The following EYS variants were observed in gnomAD, a reference collection of about 807,000 sequenced individuals.
EYS encodes the protein protein eyes shut homolog.
A neutral mutation model predicts 282.1 loss-of-function variants in EYS; 250 were observed. That is an observed-to-expected ratio of 0.89 (90% CI 0.80 to 0.98). The LOEUF is 0.98. Ranked by LOEUF, EYS falls within the 50% of genes least tolerant of loss-of-function variation. The pLI, the probability that EYS is intolerant of heterozygous loss-of-function variation, is 0.00. For missense variants in EYS, 4,016 were observed against 3,709.0 expected (o/e 1.08, Z -2.15); for synonymous variants, 1,355 against 1,282.9 (o/e 1.06, Z -1.20).
At chr6:64,045,442 T>TTTTATTTTATTTTA (rs1770578885) in intron 33 of EYS, among the ~76,000 whole-genome samples, 3 of 124,294 alleles carry the variant, frequency 2.4e-5, no homozygotes, top group African/African-American at 8.5e-5. Flanking sequence ...ATTTTATTTA[T>TTTTATTTTATTTTA]TTTATTTTAT....
intron 22 of EYS, among the ~76,000 whole-genome samples, chr6:64,667,760 G>A (rs1273110836): frequency 6.6e-6 from 1 of 151,974 alleles, no homozygotes; most frequent in African/African-American, 2.4e-5. Flanking sequence ...AAAATACATT[G>A]TGGTCATTTT....
At position 65,686,139 on chromosome 6, in the gene EYS, C is replaced by A. The variant is rs893904079; in HGVS notation, c.-448+20996G>T. 2.0e-5 allele frequency among the ~76,000 whole-genome samples: 3 copies of A among 151,974 alleles called. No individual in the cohort carries two copies. In the East Asian group the frequency reaches 5.8e-4, roughly 29 times the overall value. ...CAGATGCAGGTATAAAACAAACAAA[C>A]AGACTGAAAACCTAATCCTTTCTTT... On this transcript the variant is annotated intron_variant, in intron 1 of 42. Transcript: ENST00000503581.
At chr6:63,758,257 G>A (rs1013388669) in intron 41 of EYS, among the ~76,000 whole-genome samples, 2 of 151,980 alleles carry the variant, frequency 1.3e-5, no homozygotes, top group Admixed American at 1.3e-4. Flanking sequence ...GAAACTTAAT[G>A]TCTACTACAT....
At chr6:64,162,606 C>A (rs1582365754) in intron 31 of EYS, among the ~76,000 whole-genome samples, 1 of 152,096 alleles carries the variant, frequency 6.6e-6, no homozygotes, top group East Asian at 1.9e-4. Flanking sequence ...GGAATTAGAA[C>A]CCAAATCCTT....
chr6:65,166,925 A>G (rs1428729003), intron 12 of EYS, among the ~76,000 whole-genome samples: 2 of 151,258 alleles, frequency 1.3e-5, no homozygotes, highest in African/African-American at 4.8e-5. Flanking sequence ...TAAACAGTCA[A>G]TAAGTTCAAA....
chr6:64,125,785 C>CA (rs920132590), intron 31 of EYS, among the ~76,000 whole-genome samples: 1,832 of 47,188 alleles, frequency 0.039, 31 homozygotes, highest in Non-Finnish European at 0.06. Context: ...GACTCCGTCT[C>CA]AAAAAAAAAA....
chr6:64,381,987 T>C (rs563722439), intron 29 of EYS, among the ~76,000 whole-genome samples: 1 of 152,300 alleles, frequency 6.6e-6, no homozygotes, highest in African/African-American at 2.4e-5. Flanking sequence ...TATCAAAGAA[T>C]CCAGTGGATG....
intron 31 of EYS, among the ~76,000 whole-genome samples, chr6:64,086,431 G>A (rs572907662): frequency 6.6e-6 from 1 of 152,060 alleles, no homozygotes; most frequent in African/African-American, 2.4e-5. Flanking sequence ...AACTTCAGTG[G>A]CTACAGTATA....
At chr6:65,490,478 T>C (rs1562218025) in intron 5 of EYS, 116 bp downstream of exon 5, 1 of 707,538 alleles carries the variant, frequency 1.4e-6, no homozygotes, top group East Asian at 2.8e-5. Context: ...TCAGTATATA[T>C]ACCTTCTGAA....
At chr6:65,375,322 A>G (rs1387609553) in intron 8 of EYS, among the ~76,000 whole-genome samples, 1 of 152,172 alleles carries the variant, frequency 6.6e-6, no homozygotes, top group Non-Finnish European at 1.5e-5. Flanking sequence ...ACCAACAAAC[A>G]GCAAGCAATA....
At chr6:63,902,771 ATATTGACTG>A (rs112468151) in intron 35 of EYS, among the ~76,000 whole-genome samples, 10,825 of 152,262 alleles carry the variant, frequency 0.071, 451 homozygotes, top group African/African-American at 0.12. Flanking sequence ...TATGCTAAAA[ATATTGACTG>A]TAGAATAAGG....
intron 35 of EYS, among the ~76,000 whole-genome samples, chr6:63,881,668 A>G (rs915701698): frequency 2.6e-5 from 4 of 151,876 alleles, no homozygotes; most frequent in Non-Finnish European, 4.4e-5. Flanking sequence ...CCTTTTCCCC[A>G]CCTCCCCTTG....
intron 5 of EYS, among the ~76,000 whole-genome samples, chr6:65,467,994 G>A (rs572138722): frequency 1.2e-4 from 19 of 152,234 alleles, no homozygotes; most frequent in African/African-American, 4.3e-4. Flanking sequence ...ATCACTGACT[G>A]TGGGAACTCC....
At chr6:64,084,777 G>A (rs1427205193) in intron 31 of EYS, among the ~76,000 whole-genome samples, 1 of 152,106 alleles carries the variant, frequency 6.6e-6, no homozygotes, top group African/African-American at 2.4e-5. Flanking sequence ...AATGCTCCAA[G>A]GACCTAGTCA....
intron 15 of EYS, among the ~76,000 whole-genome samples, chr6:64,915,744 TC>T (rs1298583325): frequency 6.6e-6 from 1 of 152,172 alleles, no homozygotes; most frequent in Non-Finnish European, 1.5e-5. Flanking sequence ...AAATATATTA[TC>T]CAATTTGATA....
intron 8 of EYS, among the ~76,000 whole-genome samples, chr6:65,369,905 G>A (rs1344403320): frequency 6.6e-6 from 1 of 151,632 alleles, no homozygotes; most frequent in Non-Finnish European, 1.5e-5. Flanking sequence ...GCGACTCTCA[G>A]CACAAATTAT....
chr6:63,720,854 G>T lies in EYS; in HGVS notation c.9177C>A (p.Tyr3059Ter). ...VIQNQTLIKA[Y>*]INNSLILSED... is the part of the protein sequence containing the mutation. ...CGGAAAGAATTAGACTGTTATTTAT[G>T]TAGGCCTTGATAAGAGTCTGATTTT... The change falls in exon 43 of 43, where the codon TAC becomes TAA. Residue 3059 changes from tyrosine (Y) to a stop codon, truncating the protein, a stop_gained. Transcript: ENST00000503581. LOFTEE classifies it high-confidence loss of function. 1 of 1,551,164 alleles carries T rather than the reference G, an allele frequency of 6.4e-7. No homozygotes were observed. The highest frequency in any genetic ancestry group is 8.7e-7 in the Non-Finnish European group (1 of 1,146,624).
chr6:63,830,632 A>G (rs1165570367), intron 36 of EYS, among the ~76,000 whole-genome samples: 4 of 152,216 alleles, frequency 2.6e-5, no homozygotes, highest in African/African-American at 4.8e-5. Context: ...ACCAAGTTGG[A>G]AAACACTCTT....
At chr6:64,065,572 G>A (rs1387144763) in intron 33 of EYS, among the ~76,000 whole-genome samples, 3 of 152,070 alleles carry the variant, frequency 2.0e-5, no homozygotes, top group South Asian at 2.1e-4. Context: ...AGACATTTCC[G>A]TTTAACATTC....
Sources: allele counts gnomAD v4.1 joint callset (sites outside exome capture counted in the v4.1 genomes callset), GRCh38; gene constraint gnomAD v4.1.1; transcripts MANE v1.5; gene names NCBI Gene and HGNC (gene_info 2026-07-23, HGNC 2026-07-21).